The following ENTHD1 variants were observed in gnomAD, a reference collection of about 807,000 sequenced individuals.
The protein encoded by ENTHD1 is ENTH domain containing 1.
ENTHD1 carries 23 observed loss-of-function variants against 39.1 expected under a neutral mutation model. The ratio of observed to expected loss-of-function variants is 0.59; its 90% CI spans 0.42 to 0.83. The LOEUF (loss-of-function observed/expected upper bound fraction) is 0.83. Ranked by LOEUF, ENTHD1 falls within the 40% of genes least tolerant of loss-of-function variation. The pLI is 0.00. For synonymous variants in ENTHD1, 230 were observed against 258.2 expected, an observed-to-expected ratio of 0.89 and a Z score of 1.05; for missense variants, 624 against 705.4, an observed-to-expected ratio of 0.88 and a Z score of 1.31.
At chr22:39,785,958 C>G (rs1177160388) in intron 5 of ENTHD1, among the ~76,000 whole-genome samples, 1 of 152,194 alleles carries the variant, frequency 6.6e-6, no homozygotes, top group Non-Finnish European at 1.5e-5. Flanking sequence ...TTTCCCTCTT[C>G]ACTTTTGGTA....
intron 5 of ENTHD1, among the ~76,000 whole-genome samples, chr22:39,768,545 C>T (rs1300247457): frequency 1.3e-5 from 2 of 152,158 alleles, no homozygotes; most frequent in African/African-American, 2.4e-5. Context: ...ATGTCTACCA[C>T]TCTATCTTAA....
At chr22:39,877,231 G>C (rs183500747) in intron 2 of ENTHD1, among the ~76,000 whole-genome samples, 4 of 152,122 alleles carry the variant, frequency 2.6e-5, no homozygotes, top group African/African-American at 9.7e-5. Context: ...ATTAGTGAAG[G>C]ATTTTTAAAG....
intron 5 of ENTHD1, among the ~76,000 whole-genome samples, chr22:39,772,365 C>A (rs1057154462): frequency 6.6e-6 from 1 of 152,088 alleles, no homozygotes; most frequent in African/African-American, 2.4e-5. Flanking sequence ...TGGTACCAGT[C>A]CGTGGCCCAG....
At chr22:39,774,352 G>A (rs1694440659) in intron 5 of ENTHD1, among the ~76,000 whole-genome samples, 1 of 152,016 alleles carries the variant, frequency 6.6e-6, no homozygotes, top group Non-Finnish European at 1.5e-5. Context: ...TCACCTGTGG[G>A]CAAGTAATTC....
At chr22:39,805,102 G>A (rs2065630001) in intron 5 of ENTHD1, among the ~76,000 whole-genome samples, 1 of 152,214 alleles carries the variant, frequency 6.6e-6, no homozygotes, top group African/African-American at 2.4e-5. Flanking sequence ...TATTTCTTGA[G>A]CACCTACTAT....
chr22:39,746,235 A>AT (rs2065103939), intron 6 of ENTHD1, among the ~76,000 whole-genome samples: 5 of 152,018 alleles, frequency 3.3e-5, no homozygotes, highest in Admixed American at 3.3e-4. Context: ...TTCAATGTAG[A>AT]TTTTATCAAC....
rs112806415 is a variant in ENTHD1 at position 39,754,281 on chromosome 22, A to C, written c.1220-9998T>G. ...GTTTGCCACCCACTGCCCTAATTCT[A>C]TTTTGATTTAAATATCCACCCTTTT... On this transcript the variant is annotated intron_variant, in intron 6 of 6. Transcript: ENST00000325157. Among the ~76,000 whole-genome samples the C allele has an allele frequency of 2.8e-4, 42 of 152,270 alleles. 1 individual carries two copies. The highest frequency in any genetic ancestry group is 9.4e-4 in the African/African-American group (39 of 41,564).
chr22:39,761,739 T>G (rs141871497), intron 6 of ENTHD1, among the ~76,000 whole-genome samples: 1 of 152,300 alleles, frequency 6.6e-6, no homozygotes, highest in African/African-American at 2.4e-5. Context: ...AATTTTCATT[T>G]CAATTATTTA....
chr22:39,859,771 C>T (rs2066124803), intron 3 of ENTHD1, among the ~76,000 whole-genome samples: 1 of 152,126 alleles, frequency 6.6e-6, no homozygotes, highest in Non-Finnish European at 1.5e-5. Flanking sequence ...GCAAGAACTA[C>T]CAAAATGTGA....
intron 2 of ENTHD1, among the ~76,000 whole-genome samples, chr22:39,868,110 A>T (rs559071961): frequency 6.6e-6 from 1 of 152,170 alleles, no homozygotes; most frequent in Admixed American, 6.5e-5. Flanking sequence ...AAAAAAAAAA[A>T]ATAGCCATCA....
At position 39,861,835 on chromosome 22, in the gene ENTHD1, G is replaced by T; in HGVS notation, c.522C>A (p.Ala174=). 5 of 1,601,128 alleles carry T rather than the reference G, an allele frequency of 3.1e-6. No individual in the cohort carries two copies. The highest frequency in any genetic ancestry group is 1.7e-4 in the Middle Eastern group (1 of 6,000). The part of the protein sequence containing the change: ...SSNSLTACTS[A]PTPDISASEK... ...CTGAAGCAGAAATATCCGGTGTGGG[G>T]GCAGAAGTGCACGCTGTCAGTGAGT... The change falls in exon 3 of 7, where the codon GCC becomes GCA. Residue 174 remains alanine (A), a synonymous_variant. Coordinates refer to ENST00000325157, the MANE Select transcript of ENTHD1 (RefSeq NM_152512.4).
chr22:39,754,087 G>A (rs1403788384), intron 6 of ENTHD1, among the ~76,000 whole-genome samples: 2 of 152,010 alleles, frequency 1.3e-5, no homozygotes, highest in Admixed American at 1.3e-4. Flanking sequence ...AACCATTTTT[G>A]TAAAGGACCA....
intron 6 of ENTHD1, among the ~76,000 whole-genome samples, chr22:39,761,067 T>A (rs1443059827): frequency 1.3e-5 from 2 of 152,162 alleles, no homozygotes; most frequent in Non-Finnish European, 2.9e-5. Flanking sequence ...TTTCTGTAGA[T>A]TCAGGTAACT....
At chr22:39,747,742 T>C (rs910668612) in intron 6 of ENTHD1, among the ~76,000 whole-genome samples, 4 of 152,044 alleles carry the variant, frequency 2.6e-5, no homozygotes, top group African/African-American at 9.7e-5. Flanking sequence ...TTGCAGGAGC[T>C]AGAACTGGGA....
intron 6 of ENTHD1, among the ~76,000 whole-genome samples, chr22:39,762,470 C>G (rs932633406): frequency 6.6e-6 from 1 of 151,288 alleles, no homozygotes; most frequent in Non-Finnish European, 1.5e-5. Flanking sequence ...CTCACTGTGT[C>G]ACCCAGGCTC....
chr22:39,893,663 C>G (rs1351670612), intron 1 of ENTHD1, 32 bp downstream of exon 1: 1 of 152,292 alleles, frequency 6.6e-6, no homozygotes, highest in African/African-American at 2.4e-5. Context: ...CCGCCTTGAG[C>G]CCCACCACCA....
chr22:39,867,141 G>A lies in ENTHD1; in HGVS notation c.350-5134C>T, dbSNP rs1410607273. ...GATGGTCTTGATCTCCTGACCTCAC[G>A]ATCCACCCACCTCAGCCTCCCAAAG... On this transcript the variant is annotated intron_variant, in intron 2 of 6. Transcript: ENST00000325157. This position sits in a 1 kb window ranked among gnomAD's most constrained non-coding sequence, Gnocchi z 4.5. Among the ~76,000 whole-genome samples, 2 of 152,102 alleles carry A rather than the reference G, an allele frequency of 1.3e-5. No homozygotes were observed. Among genetic ancestry groups the A allele is most frequent in the African/African-American group, 4.8e-5 (2 of 41,410 alleles).
intron 3 of ENTHD1, among the ~76,000 whole-genome samples, chr22:39,858,211 C>T (rs896674078): frequency 6.6e-6 from 1 of 152,212 alleles, no homozygotes; most frequent in Admixed American, 6.5e-5. Flanking sequence ...TTCACAGCTT[C>T]TTCACAGGAG....
At chr22:39,891,504 A>G (rs1017030577) in intron 1 of ENTHD1, among the ~76,000 whole-genome samples, 11 of 149,258 alleles carry the variant, frequency 7.4e-5, no homozygotes, top group African/African-American at 2.5e-4. Context: ...ATAAAGCCTC[A>G]CTATGTAGCC....
Sources: allele counts gnomAD v4.1 joint callset (sites outside exome capture counted in the v4.1 genomes callset), GRCh38; gene constraint gnomAD v4.1.1; non-coding constraint Gnocchi (gnomAD v3.1); transcripts MANE v1.5; gene names NCBI Gene and HGNC (gene_info 2026-07-23, HGNC 2026-07-21).